CFTR: variants seen among roughly 807,000 people sequenced by gnomAD.
The protein encoded by CFTR is cystic fibrosis transmembrane conductance regulator.
In CFTR, 181 loss-of-function variants were observed where a neutral mutation model predicts 171.6. The observed-to-expected ratio is 1.05, with a 90% CI of 0.93 to 1.19. The LOEUF (loss-of-function observed/expected upper bound fraction) is 1.19. Ranked by LOEUF, CFTR falls within the 50% of genes most tolerant of loss-of-function variation. The pLI is 0.00. For synonymous variants in CFTR, 583 were observed against 608.0 expected, an observed-to-expected ratio of 0.96 and a Z score of 0.60; for missense variants, 1,968 against 1,734.7, an observed-to-expected ratio of 1.13 and a Z score of -2.39.
At chr7:117,620,055 G>A (rs1449107523) in intron 21 of CFTR, among the ~76,000 whole-genome samples, 1 of 143,960 alleles carries the variant, frequency 6.9e-6, no homozygotes, top group Non-Finnish European at 1.5e-5. Flanking sequence ...AGAATCTGAG[G>A]GGAGGAGTCA....
At chr7:117,497,206 G>T (rs1459468409) in intron 1 of CFTR, among the ~76,000 whole-genome samples, 1 of 152,186 alleles carries the variant, frequency 6.6e-6, no homozygotes, top group African/African-American at 2.4e-5. Flanking sequence ...TCAACTGTAA[G>T]TTGGAGATAT....
At chr7:117,510,731 T>C (rs1257803474) in intron 3 of CFTR, among the ~76,000 whole-genome samples, 1 of 152,196 alleles carries the variant, frequency 6.6e-6, no homozygotes, top group African/African-American at 2.4e-5. Context: ...GTATGATACA[T>C]GGACATATCT....
chr7:117,547,586 T>C (rs1799167889), intron 9 of CFTR, among the ~76,000 whole-genome samples: 1 of 152,194 alleles, frequency 6.6e-6, no homozygotes, highest in African/African-American at 2.4e-5. Context: ...GCAATTTGAC[T>C]CTAAGAATAG....
intron 13 of CFTR, 70 bp from the exon 14 acceptor site, chr7:117,591,864 G>C: frequency 1.0e-6 from 1 of 985,896 alleles, no homozygotes; most frequent in South Asian, 1.7e-5. Context: ...TTAACAAAAT[G>C]CTAAAATACG....
At chr7:117,547,493 CTA>C (rs1799166360) in intron 9 of CFTR, among the ~76,000 whole-genome samples, 1 of 151,754 alleles carries the variant, frequency 6.6e-6, no homozygotes, top group East Asian at 1.9e-4. Context: ...TAAGTAATAA[CTA>C]TTATTAATTA....
intron 1 of CFTR, among the ~76,000 whole-genome samples, chr7:117,480,352 TAG>T: frequency 6.6e-6 from 1 of 152,216 alleles, no homozygotes; most frequent in African/African-American, 2.4e-5. Flanking sequence ...GCTGATTGAA[TAG>T]AGAGCCACAT....
At chr7:117,524,260 G>C (rs545037816) in intron 3 of CFTR, among the ~76,000 whole-genome samples, 1 of 152,160 alleles carries the variant, frequency 6.6e-6, no homozygotes, top group Admixed American at 6.5e-5. Context: ...TGGTATGCAT[G>C]GTAAATAATG....
intron 17 of CFTR, among the ~76,000 whole-genome samples, chr7:117,605,640 G>A (rs959648351): frequency 2.0e-5 from 3 of 152,164 alleles, no homozygotes; most frequent in African/African-American, 7.2e-5. Context: ...TTTGAGTTGA[G>A]AAAGGGAGGA....
intron 9 of CFTR, among the ~76,000 whole-genome samples, chr7:117,543,489 C>T (rs1799091128): frequency 1.3e-5 from 2 of 152,154 alleles, no homozygotes; most frequent in South Asian, 4.2e-4. Context: ...ATGCTTGAGC[C>T]CTTACTATGT....
chr7:117,535,839 A>G (rs558855309), intron 6 of CFTR, among the ~76,000 whole-genome samples: 2 of 152,130 alleles, frequency 1.3e-5, no homozygotes, highest in Non-Finnish European at 2.9e-5. Flanking sequence ...CGGCCTAAAA[A>G]ATACTTTTTA....
chr7:117,627,427 G>A (rs1007830290), intron 21 of CFTR, 95 bp from the exon 22 acceptor site: 11 of 1,281,178 alleles, frequency 8.6e-6, no homozygotes, highest in Non-Finnish European at 1.0e-5. Context: ...AATAGCAAGT[G>A]TTGCATTTTA....
At chr7:117,531,144 A>G (rs1798859746) in intron 4 of CFTR, 30 bp downstream of exon 4, 1 of 1,507,220 alleles carries the variant, frequency 6.6e-7, no homozygotes, top group South Asian at 1.1e-5. Context: ...GCCCCATGGC[A>G]CATATATTCT....
intron 21 of CFTR, among the ~76,000 whole-genome samples, chr7:117,616,788 A>T (rs549391819): frequency 2.0e-5 from 3 of 152,266 alleles, no homozygotes; most frequent in East Asian, 1.9e-4. Context: ...ATTTAAAAAA[A>T]TCACATTCTT....
intron 1 of CFTR, among the ~76,000 whole-genome samples, chr7:117,498,394 A>G (rs902184412): frequency 6.6e-6 from 1 of 152,152 alleles, no homozygotes; most frequent in African/African-American, 2.4e-5. Flanking sequence ...GAGAAGAAGC[A>G]AACACTGCTA....
At chr7:117,505,986 T>G (rs1189652468) in intron 2 of CFTR, among the ~76,000 whole-genome samples, 2 of 152,174 alleles carry the variant, frequency 1.3e-5, no homozygotes, top group Non-Finnish European at 2.9e-5. Context: ...AGGGATACTT[T>G]GTTTTGTTTT....
chr7:117,509,016 C>A lies in CFTR; in HGVS notation c.165-18C>A. 1 of 1,493,770 alleles carries A rather than the reference C, an allele frequency of 6.7e-7. No individual in the cohort carries two copies. Among genetic ancestry groups the A allele is most frequent in the Non-Finnish European group, 9.3e-7 (1 of 1,071,174 alleles). The allele number at this position is 1,493,770 out of a possible 1,614,324, so 92.5% of individuals were successfully genotyped here. A position where few individuals can be genotyped will look rare whatever the true frequency, so the allele number is the denominator to read the frequency against. ...TTGCACATGCAACTTATTGGTCCCA[C>A]TTTTTATTCTTTTGCAGAGAATGGG... On this transcript the variant is annotated intron_variant, in intron 2 of 26. Coordinates refer to ENST00000003084, the MANE Select transcript of CFTR (RefSeq NM_000492.4).
chr7:117,594,795 A>G (rs1029669117), intron 14 of CFTR, 135 bp from the exon 15 acceptor site: 1 of 768,596 alleles, frequency 1.3e-6, no homozygotes, highest in Admixed American at 2.3e-5. Context: ...TGGCATTTAT[A>G]ATGATTTATA....
intron 22 of CFTR, among the ~76,000 whole-genome samples, chr7:117,632,247 G>A (rs1792758334): frequency 6.6e-6 from 1 of 152,104 alleles, no homozygotes; most frequent in South Asian, 2.1e-4. Context: ...TCTTGCCCAA[G>A]CATGAAAGCC....
chr7:117,560,602 C>G (rs1799448483), intron 11 of CFTR: 1 of 151,646 alleles, frequency 6.6e-6, no homozygotes, highest in African/African-American at 2.4e-5. Flanking sequence ...GGGTTGCATG[C>G]TTACATGAAT....
Sources: gnomAD v4.1 joint callset for allele counts (sites outside exome capture counted in the v4.1 genomes callset) on GRCh38, gnomAD v4.1.1 for gene constraint, MANE v1.5 for transcripts, NCBI Gene and HGNC (gene_info 2026-07-23, HGNC 2026-07-21) for gene names.